GLI3: variants seen among roughly 807,000 people sequenced by gnomAD.
GLI3 encodes the protein transcription activator GLI3.
A neutral mutation model predicts 100.8 loss-of-function variants in GLI3; 20 were observed. That is an observed-to-expected ratio of 0.20 (90% CI 0.14 to 0.29). The LOEUF (loss-of-function observed/expected upper bound fraction) is 0.29. GLI3 is among the 10% of genes least tolerant of loss of function. GLI3 has a pLI of 1.00. For missense variants in GLI3, 2,040 were observed against 2,128.5 expected, an observed-to-expected ratio of 0.96 and a Z score of 0.82; for synonymous variants, 938 against 860.5, an observed-to-expected ratio of 1.09 and a Z score of -1.58.
At chr7:42,097,802 G>C (rs183640748) in intron 3 of GLI3, among the ~76,000 whole-genome samples, 2 of 152,264 alleles carry the variant, frequency 1.3e-5, no homozygotes, top group African/African-American at 4.8e-5. Flanking sequence ...AAGGGCCTCA[G>C]TTCTGCTCAG....
At chr7:42,189,265 C>T (rs79189290) in intron 2 of GLI3, among the ~76,000 whole-genome samples, 2,837 of 152,186 alleles carry the variant, frequency 0.019, 95 homozygotes, top group African/African-American at 0.065. Flanking sequence ...TAGAAAAGAA[C>T]AAACTTAGAA....
intron 2 of GLI3, among the ~76,000 whole-genome samples, chr7:42,161,723 C>T (rs549413981): frequency 3.6e-4 from 55 of 152,190 alleles, no homozygotes; most frequent in Non-Finnish European, 7.6e-4. Context: ...AATTATATGA[C>T]CTAGTGTGGC....
chr7:42,214,269 C>T (rs1448098591), intron 2 of GLI3, among the ~76,000 whole-genome samples: 4 of 152,076 alleles, frequency 2.6e-5, no homozygotes, highest in Non-Finnish European at 2.9e-5. Context: ...AATGATGAGG[C>T]AGGGAAAAGT....
chr7:42,140,140 ATATCACCT>A (rs1786531920), intron 3 of GLI3, among the ~76,000 whole-genome samples: 8 of 152,142 alleles, frequency 5.3e-5, no homozygotes, highest in African/African-American at 1.9e-4. Context: ...CCTCTTTCAG[ATATCACCT>A]CCTCCGGGAG....
chr7:42,050,315 A>C (rs1047825356), intron 4 of GLI3, among the ~76,000 whole-genome samples: 4 of 152,220 alleles, frequency 2.6e-5, no homozygotes, highest in African/African-American at 9.6e-5. Flanking sequence ...TTTTCAAAAC[A>C]GCTTGAGGCT....
intron 3 of GLI3, among the ~76,000 whole-genome samples, chr7:42,127,781 G>A (rs1786169861): frequency 6.6e-6 from 1 of 152,202 alleles, no homozygotes; most frequent in African/African-American, 2.4e-5. Context: ...GGCCAAGGCA[G>A]CAGATTGCTT....
intron 3 of GLI3, among the ~76,000 whole-genome samples, chr7:42,100,036 T>C (rs1785425590): frequency 6.6e-6 from 1 of 152,276 alleles, no homozygotes; most frequent in African/African-American, 2.4e-5. Context: ...TTATAAAGTC[T>C]GTGTCATCCT....
intron 10 of GLI3, among the ~76,000 whole-genome samples, chr7:42,022,987 T>C (rs574167843): frequency 1.1e-4 from 17 of 152,250 alleles, no homozygotes; most frequent in African/African-American, 4.1e-4. Flanking sequence ...AACCAAGAAA[T>C]TATGCTACCT....
chr7:42,250,343 A>C (rs998654417), intron 1 of GLI3, among the ~76,000 whole-genome samples: 2 of 152,236 alleles, frequency 1.3e-5, no homozygotes, highest in African/African-American at 4.8e-5. Context: ...CAAATGTAGG[A>C]AGCAACAGAT....
intron 4 of GLI3, among the ~76,000 whole-genome samples, chr7:42,072,489 C>T (rs770728921): frequency 9.2e-5 from 14 of 152,146 alleles, no homozygotes; most frequent in Non-Finnish European, 1.9e-4. Flanking sequence ...ACAAAAAACA[C>T]ACACTCAAAA....
intron 10 of GLI3, among the ~76,000 whole-genome samples, chr7:42,017,080 T>C (rs1182418833): frequency 6.6e-6 from 1 of 152,202 alleles, no homozygotes; most frequent in Admixed American, 6.5e-5. Context: ...GTTGAGCAAA[T>C]GGCTGATCCA....
intron 3 of GLI3, chr7:42,113,561 G>T: frequency 8.7e-7 from 1 of 1,152,872 alleles, no homozygotes. Context: ...TAACCCTACA[G>T]AAAATGGAGT....
At chr7:42,075,990 G>T (rs1486585490) in intron 4 of GLI3, among the ~76,000 whole-genome samples, 1 of 152,120 alleles carries the variant, frequency 6.6e-6, no homozygotes, top group African/African-American at 2.4e-5. Flanking sequence ...AATAAAGGGT[G>T]ATTATTAGAT....
chr7:41,993,462 C>A (rs1583767095), intron 10 of GLI3, among the ~76,000 whole-genome samples: 1 of 152,322 alleles, frequency 6.6e-6, no homozygotes, highest in East Asian at 1.9e-4. Flanking sequence ...TCTCCAAGCC[C>A]TACCCTGCTG....
intron 4 of GLI3, among the ~76,000 whole-genome samples, chr7:42,067,197 C>T (rs902884335): frequency 1.3e-5 from 2 of 152,132 alleles, no homozygotes; most frequent in African/African-American, 2.4e-5. Flanking sequence ...TGATTGCTTA[C>T]GTTATGGACT....
rs923793927 is a variant in GLI3 at position 41,964,664 on chromosome 7, T to C, written c.4409A>G (p.Gln1470Arg). 3.7e-6 allele frequency: 6 copies of C among 1,614,132 alleles called. No individual in the cohort carries two copies. Among genetic ancestry groups the C allele is most frequent in the Admixed American group, 3.3e-5 (2 of 60,034 alleles). ...FSISDASCLLQGTSAKNSELL... is the reference protein window; with the variant it reads ...FSISDASCLLRGTSAKNSELL... ...CTCAGAGTTTTTGGCGCTGGTCCCC[T>C]GTAGCAGGCAGCTGGCGTCTGAAAT... The change falls in exon 15 of 15, where the codon CAG becomes CGG. Residue 1470 changes from glutamine (Q) to arginine (R), a missense_variant. Gln to Arg is a conservative substitution (Grantham distance 43, BLOSUM62 1). Coordinates refer to ENST00000395925, the MANE Select transcript of GLI3 (RefSeq NM_000168.6).
Position 42,076,741 on chromosome 7 carries a change from T to C in GLI3, c.473+11A>G. ...TTCCATTTCATTAATGAAGAAAGTG[T>C]TAATACTTACATATGCAATGGAGGA... On this transcript the variant is annotated intron_variant, in intron 4 of 14. Coordinates refer to ENST00000395925, the MANE Select transcript of GLI3 (RefSeq NM_000168.6). 6.7e-7 allele frequency: 1 copy of C among 1,496,826 alleles called. No homozygotes were observed. The highest frequency in any genetic ancestry group is 9.3e-7 in the Non-Finnish European group (1 of 1,072,670). 92.7% of individuals were successfully genotyped at this position (1,496,826 alleles called of 1,614,324 possible). A position where few individuals can be genotyped will look rare whatever the true frequency, so the allele number is the denominator to read the frequency against.
At chr7:42,017,460 A>G (rs995211441) in intron 10 of GLI3, among the ~76,000 whole-genome samples, 14 of 152,134 alleles carry the variant, frequency 9.2e-5, no homozygotes, top group African/African-American at 3.4e-4. Flanking sequence ...GCAGTCACCC[A>G]TAACTGTTCA....
At chr7:42,061,897 G>A (rs1021621818) in intron 4 of GLI3, among the ~76,000 whole-genome samples, 3 of 152,124 alleles carry the variant, frequency 2.0e-5, no homozygotes, top group African/African-American at 7.2e-5. Flanking sequence ...TCAAGACGTA[G>A]AGAACAGCAT....
Sources: allele counts gnomAD v4.1 joint callset (sites outside exome capture counted in the v4.1 genomes callset), GRCh38; gene constraint gnomAD v4.1.1; transcripts MANE v1.5; gene names NCBI Gene and HGNC (gene_info 2026-07-23, HGNC 2026-07-21).